VAT1L: variants seen among roughly 807,000 people sequenced by gnomAD.
VAT1L encodes vesicle amine transport 1 like, also known as putative NADPH-dependent quinone oxidoreductase VAT1L.
VAT1L carries 34 observed loss-of-function variants against 44.1 expected under a neutral mutation model. The ratio of observed to expected loss-of-function variants is 0.77; its 90% CI spans 0.59 to 1.03. The LOEUF (loss-of-function observed/expected upper bound fraction) is 1.03. Among genes scored for constraint, VAT1L ranks in the 50% least tolerant of loss-of-function variants. The pLI is 0.00. For synonymous variants in VAT1L, 253 were observed against 202.2 expected (o/e 1.25, Z -2.13); for missense variants, 615 against 538.8 (o/e 1.14, Z -1.40).
At chr16:77,970,546 T>C (rs1355664334) in intron 7 of VAT1L, among the ~76,000 whole-genome samples, 1 of 152,218 alleles carries the variant, frequency 6.6e-6, no homozygotes. Flanking sequence ...TTATCTTCTT[T>C]AACAACCACA....
chr16:77,971,925 A>G lies in VAT1L; in HGVS notation c.1153A>G (p.Thr385Ala), dbSNP rs751868396. ...AATTCTGGATGTAGAAAAGACCCCAACTCCACTGGTGAGTGAAAAGCAGAG... is the reference window on the plus strand; with the variant it reads ...AATTCTGGATGTAGAAAAGACCCCAGCTCCACTGGTGAGTGAAAAGCAGAG... ...KLILDVEKTPTPLMANDSTET... is the reference protein window; with the variant it reads ...KLILDVEKTPAPLMANDSTET... Residue 385 changes from threonine (T) to alanine (A), a missense_variant, in exon 8 of 9, where the codon ACT (threonine) becomes GCT (alanine). Coordinates refer to ENST00000302536, the MANE Select transcript of VAT1L (RefSeq NM_020927.3). The G allele has an allele frequency of 6.2e-7, 1 of 1,613,244 alleles. No homozygotes were observed. Among genetic ancestry groups the G allele is most frequent in the Non-Finnish European group, 8.5e-7 (1 of 1,179,646 alleles).
At chr16:77,910,668 C>T (rs549645954) in intron 7 of VAT1L, among the ~76,000 whole-genome samples, 202 of 90,446 alleles carry the variant, frequency 2.2e-3, no homozygotes, top group African/African-American at 8.7e-3. Context: ...AGTGAGACTC[C>T]TTCTCAAAAA....
intron 4 of VAT1L, among the ~76,000 whole-genome samples, chr16:77,865,950 C>T (rs61224074): frequency 6.6e-6 from 1 of 152,178 alleles, no homozygotes; most frequent in South Asian, 2.1e-4. Context: ...TTAGCCCCCA[C>T]ATCACTGGTG....
rs61458903 is a variant in VAT1L, at chr16:77,909,295, TCTTACCTCCTCTGCACTTCTTTTC to T, written c.1077+24497_1077+24520del. 0.011 allele frequency among the ~76,000 whole-genome samples: 1,671 copies of T among 152,308 alleles called. 88 individuals carry two copies. The East Asian group carries it at 0.13, about 12-fold the overall frequency. On this transcript the variant is annotated intron_variant, in intron 7 of 8. Transcript: ENST00000302536. The stretch of plus-strand genomic sequence containing the variant: ...TCATAAGCTATATATTTCTTCTAAA[TCTTACCTCCTCTGCACTTCTTTTC>T]CTTGCCTCTCTGCAGTAAGGATTAT...
At chr16:77,822,249 C>G (rs1023100636) in intron 2 of VAT1L, among the ~76,000 whole-genome samples, 6 of 152,202 alleles carry the variant, frequency 3.9e-5, no homozygotes, top group Non-Finnish European at 5.9e-5. Flanking sequence ...ATTCTCCTGC[C>G]TCAGCCTCCC....
intron 7 of VAT1L, among the ~76,000 whole-genome samples, chr16:77,950,406 C>T (rs1333639785): frequency 2.0e-5 from 1 of 49,360 alleles, no homozygotes; most frequent in Non-Finnish European, 4.0e-5. Flanking sequence ...AAGATTCCAT[C>T]TAAACACACA....
intron 7 of VAT1L, among the ~76,000 whole-genome samples, chr16:77,909,468 C>G (rs1486394093): frequency 6.6e-6 from 1 of 151,902 alleles, no homozygotes; most frequent in African/African-American, 2.4e-5. Context: ...GAAACCCTGT[C>G]TCTACTAAAA....
At chr16:77,955,439 ATGGGGCCGGGCG>A (rs2018091937) in intron 7 of VAT1L, among the ~76,000 whole-genome samples, 1 of 152,130 alleles carries the variant, frequency 6.6e-6, no homozygotes, top group Admixed American at 6.5e-5. Flanking sequence ...TCAACAGAGA[ATGGGGCCGGGCG>A]TGGTGGCTCA....
At chr16:77,932,573 C>G (rs73566802) in intron 7 of VAT1L, among the ~76,000 whole-genome samples, 3,929 of 152,286 alleles carry the variant, frequency 0.026, 175 homozygotes, top group African/African-American at 0.09. Context: ...GGTGTCCCAT[C>G]CTATATCCCA....
At chr16:77,822,423 G>A (rs4474697) in intron 2 of VAT1L, among the ~76,000 whole-genome samples, 59,005 of 151,918 alleles carry the variant, frequency 0.39, 11,704 homozygotes, top group East Asian at 0.5. Flanking sequence ...TGGCCTGGCT[G>A]ATGTTTTATT....
chr16:77,943,015 G>C (rs1041221415), intron 7 of VAT1L, among the ~76,000 whole-genome samples: 2 of 151,588 alleles, frequency 1.3e-5, no homozygotes, highest in Non-Finnish European at 2.9e-5. Context: ...AAAGTGCTGG[G>C]ATTACAGGTG....
intron 3 of VAT1L, among the ~76,000 whole-genome samples, chr16:77,825,728 A>G (rs1463648256): frequency 6.6e-6 from 1 of 151,904 alleles, no homozygotes; most frequent in South Asian, 2.1e-4. Flanking sequence ...GTTGAGAAGC[A>G]TTCTCAGGCC....
intron 3 of VAT1L, among the ~76,000 whole-genome samples, chr16:77,836,276 C>T (rs1006536131): frequency 1.3e-5 from 2 of 152,056 alleles, no homozygotes; most frequent in Admixed American, 6.6e-5. Context: ...ACCTGCACCT[C>T]GCTCATTTTT....
intron 4 of VAT1L, among the ~76,000 whole-genome samples, chr16:77,868,632 T>C (rs749695587): frequency 1.4e-4 from 22 of 152,214 alleles, no homozygotes; most frequent in Non-Finnish European, 2.1e-4. Flanking sequence ...TTGTGATCTT[T>C]CTAGCACCCA....
chr16:77,824,032 A>G (rs2016490205), intron 2 of VAT1L, among the ~76,000 whole-genome samples: 1 of 152,192 alleles, frequency 6.6e-6, no homozygotes, highest in Non-Finnish European at 1.5e-5. Flanking sequence ...TCAGAAAAAA[A>G]AAGAAAAGAA....
chr16:77,857,256 T>A (rs1164340640), intron 3 of VAT1L, among the ~76,000 whole-genome samples: 1 of 152,200 alleles, frequency 6.6e-6, no homozygotes, highest in Non-Finnish European at 1.5e-5. Flanking sequence ...TCCTTTTTAT[T>A]GAAAGTTCAT....
chr16:77,948,389 C>G (rs1221270603), intron 7 of VAT1L, among the ~76,000 whole-genome samples: 1 of 152,124 alleles, frequency 6.6e-6, no homozygotes, highest in African/African-American at 2.4e-5. Context: ...CTAGGAAATC[C>G]AAACCCCTCA....
At chr16:77,957,474 C>A (rs1391675787) in intron 7 of VAT1L, among the ~76,000 whole-genome samples, 1 of 152,146 alleles carries the variant, frequency 6.6e-6, no homozygotes, top group African/African-American at 2.4e-5. Context: ...CGCCTATAAT[C>A]CCAGCACTTT....
At chr16:77,904,774 A>G (rs1192260389) in intron 7 of VAT1L, among the ~76,000 whole-genome samples, 1 of 152,234 alleles carries the variant, frequency 6.6e-6, no homozygotes, top group Non-Finnish European at 1.5e-5. Context: ...TGTGCTTTAA[A>G]TATTGTTTGG....
Sources: allele counts gnomAD v4.1 joint callset (sites outside exome capture counted in the v4.1 genomes callset), GRCh38; gene constraint gnomAD v4.1.1; transcripts MANE v1.5; gene names NCBI Gene and HGNC (gene_info 2026-07-23, HGNC 2026-07-21).